CEP55: variants seen among roughly 807,000 people sequenced by gnomAD.
The protein encoded by CEP55 is centrosomal protein of 55 kDa.
In CEP55, 57 loss-of-function variants were observed where a neutral mutation model predicts 63.2. The ratio of observed to expected loss-of-function variants is 0.90; its 90% CI spans 0.73 to 1.13. CEP55 has a LOEUF of 1.13. CEP55 is among the 50% of genes most tolerant of loss of function. The pLI is 0.00. For synonymous variants in CEP55, 178 were observed against 191.6 expected, an observed-to-expected ratio of 0.93 and a Z score of 0.59; for missense variants, 456 against 518.9, an observed-to-expected ratio of 0.88 and a Z score of 1.18.
At chr10:93,505,416 A>AG (rs1564762238) in intron 3 of CEP55, among the ~76,000 whole-genome samples, 1 of 152,014 alleles carries the variant, frequency 6.6e-6, no homozygotes, top group Non-Finnish European at 1.5e-5. Flanking sequence ...ACTGCCTAGG[A>AG]GGGGTCTGGG....
At chr10:93,521,834 G>A (rs2134495978) in intron 8 of CEP55, among the ~76,000 whole-genome samples, 1 of 152,300 alleles carries the variant, frequency 6.6e-6, no homozygotes. Context: ...CAGGCAAACA[G>A]GGTCTGGAGT....
intron 4 of CEP55, chr10:93,510,829 C>G (rs1165723902): frequency 1.3e-5 from 2 of 152,252 alleles, no homozygotes; most frequent in Middle Eastern, 3.4e-3. Flanking sequence ...TTTTATTCCT[C>G]CAGTATAGGC....
At chr10:93,504,706 A>G (rs2057670214) in intron 3 of CEP55, among the ~76,000 whole-genome samples, 2 of 152,250 alleles carry the variant, frequency 1.3e-5, no homozygotes, top group Admixed American at 6.5e-5. Flanking sequence ...CGTTACAGTC[A>G]GATTCAAAGT....
intron 3 of CEP55, among the ~76,000 whole-genome samples, chr10:93,503,987 T>A (rs1436854305): frequency 1.3e-5 from 2 of 151,662 alleles, no homozygotes; most frequent in Non-Finnish European, 2.9e-5. Context: ...TTTTTTTTTT[T>A]AAACATATAA....
At chr10:93,524,582 C>T (rs541846793) in intron 8 of CEP55, among the ~76,000 whole-genome samples, 31 of 152,320 alleles carry the variant, frequency 2.0e-4, no homozygotes, top group Middle Eastern at 3.4e-3. Flanking sequence ...CTCCCTAACT[C>T]ATTTTATGAG....
At chr10:93,520,004 TG>T (rs2057842830) in intron 8 of CEP55, 197 bp downstream of exon 8, 2 of 620,560 alleles carry the variant, frequency 3.2e-6, no homozygotes. Context: ...TGATCACATC[TG>T]GAAACATTCC....
At chr10:93,525,668 A>G (rs1347271915) in intron 8 of CEP55, among the ~76,000 whole-genome samples, 4 of 151,544 alleles carry the variant, frequency 2.6e-5, no homozygotes, top group South Asian at 4.2e-4. Flanking sequence ...GAGGCATCAC[A>G]CTACCTGACT....
Position 93,517,145 on chromosome 10 carries a change from A to G in CEP55, c.890A>G (p.Asp297Gly). 6.2e-7 allele frequency: 1 copy of G among 1,613,968 alleles called. No homozygotes were observed. Among genetic ancestry groups the G allele is most frequent in the African/African-American group, 1.3e-5 (1 of 75,060 alleles). ...GCAGATGTGCAACATCTGGAAGATG[A>G]TAGGCATAAAACAGAGAAGATACAA... ...RRADVQHLED[D>G]RHKTEKIQKL... Residue 297 changes from aspartate to glycine, a missense_variant, in exon 6 of 9, where the codon GAT becomes GGT. Transcript: ENST00000371485.
At position 93,526,134 on chromosome 10, in the gene CEP55, A is replaced by G. The variant is rs551325349; in HGVS notation, c.1192-1816A>G. Among the ~76,000 whole-genome samples, 15 of 152,332 alleles carry G rather than the reference A, an allele frequency of 9.8e-5. No homozygotes were observed. In the East Asian group the frequency reaches 2.5e-3, roughly 25 times the overall value. ...CTTCTGCACAGCAAAAGAAACTACC[A>G]TCAGAGTGAACAGGCATCCTACAGA... On this transcript the variant is annotated intron_variant, in intron 8 of 8. Transcript: ENST00000371485.
In CEP55 at chr10:93,528,283, A is replaced by G; in HGVS notation, c.*130A>G. The G allele has an allele frequency of 1.4e-6, 1 of 710,066 alleles. No homozygotes were observed. Among genetic ancestry groups the G allele is most frequent in the Non-Finnish European group, 2.4e-6 (1 of 414,440 alleles). 44.0% of individuals were successfully genotyped at this position (710,066 alleles called of 1,614,324 possible). A position where few individuals can be genotyped will look rare whatever the true frequency, so the allele number is the denominator to read the frequency against. On this transcript the variant is annotated 3_prime_UTR_variant, in exon 9 of 9. Coordinates refer to ENST00000371485, the MANE Select transcript of CEP55 (RefSeq NM_018131.5). ...TCTACCTTTGACACTCCAGCATGCT[A>G]GTGAATCATGTATCTTTTAGGCTGC... is the stretch of plus-strand genomic sequence containing the variant.
intron 3 of CEP55, among the ~76,000 whole-genome samples, chr10:93,503,819 C>T (rs933015238): frequency 6.6e-6 from 1 of 152,126 alleles, no homozygotes; most frequent in East Asian, 1.9e-4. Flanking sequence ...GAGGCACTAG[C>T]GTCATAGAAA....
chr10:93,519,908 G>C (rs769306868), intron 8 of CEP55, 101 bp downstream of exon 8: 1 of 1,297,414 alleles, frequency 7.7e-7, no homozygotes, highest in Non-Finnish European at 1.1e-6. Flanking sequence ...ACAGCTAGCT[G>C]TATCTCAAAT....
At chr10:93,509,588 T>C (rs925265983) in intron 4 of CEP55, among the ~76,000 whole-genome samples, 3 of 152,118 alleles carry the variant, frequency 2.0e-5, no homozygotes, top group Non-Finnish European at 4.4e-5. Context: ...TGGTTTCAAG[T>C]GATTCTCATG....
At chr10:93,515,304 G>A in intron 4 of CEP55, 101 bp from the exon 5 acceptor site, 1 of 1,062,022 alleles carries the variant, frequency 9.4e-7, no homozygotes, top group Non-Finnish European at 1.4e-6. Context: ...ATGAGCCATA[G>A]AGTTTTTGTT....
intron 3 of CEP55, among the ~76,000 whole-genome samples, chr10:93,504,731 T>A (rs1195912147): frequency 6.6e-6 from 1 of 152,224 alleles, no homozygotes; most frequent in African/African-American, 2.4e-5. Context: ...GACTAAAATT[T>A]TTCTTTGAAG....
rs62618732 is a variant in CEP55 at position 93,500,226 on chromosome 10, C to T, written c.175C>T (p.Leu59Phe). The change falls in exon 2 of 9, where the codon CTT (leucine) becomes TTT (phenylalanine). Residue 59 changes from leucine to phenylalanine, a missense_variant. By Grantham distance (22) the Leu-to-Phe change is conservative. Transcript: ENST00000371485. Reference protein sequence around the residue: ...GKLTDKERHRLLEKIRVLEAE... With the variant: ...GKLTDKERHRFLEKIRVLEAE... The stretch of plus-strand genomic sequence containing the variant: ...GCTGACTGATAAAGAGAGACACAGA[C>T]TTTTGGAGGTAAATGGTCTTCTGAT... 9,636 of 1,607,860 alleles carry T rather than the reference C, an allele frequency of 6.0e-3. 377 individuals are homozygous for T. In the African/African-American group the frequency reaches 0.096, roughly 16 times the overall value.
intron 7 of CEP55, 70 bp from the exon 8 acceptor site, chr10:93,519,612 G>A: frequency 2.6e-6 from 4 of 1,527,336 alleles, no homozygotes; most frequent in South Asian, 1.2e-5. Context: ...ATAAAAAAAT[G>A]TGAGCATCCA....
intron 8 of CEP55, among the ~76,000 whole-genome samples, chr10:93,527,648 T>C (rs1056175367): frequency 6.6e-6 from 1 of 152,102 alleles, no homozygotes; most frequent in Non-Finnish European, 1.5e-5. Context: ...GGCAGATCAC[T>C]TGAGCTTAGG....
intron 8 of CEP55, 127 bp from the exon 9 acceptor site, chr10:93,527,823 G>C: frequency 1.3e-6 from 1 of 750,004 alleles, no homozygotes; most frequent in Non-Finnish European, 2.2e-6. Context: ...CGAGGCTGCA[G>C]TGAGCCATGT....
Sources: allele counts gnomAD v4.1 joint callset (sites outside exome capture counted in the v4.1 genomes callset), GRCh38; gene constraint gnomAD v4.1.1; transcripts MANE v1.5; gene names NCBI Gene and HGNC (gene_info 2026-07-23, HGNC 2026-07-21).